CDH18: variants seen among roughly 807,000 people sequenced by gnomAD.
The protein encoded by CDH18 is cadherin-18.
CDH18 carries 31 observed loss-of-function variants against 67.9 expected under a neutral mutation model. The ratio of observed to expected loss-of-function variants is 0.46; its 90% CI spans 0.34 to 0.62. CDH18 has a LOEUF of 0.62. CDH18 is among the 20% of genes least tolerant of loss of function. CDH18 has a pLI of 0.01. For missense variants in CDH18, 890 were observed against 975.5 expected (o/e 0.91, Z 1.17); for synonymous variants, 362 against 347.2 (o/e 1.04, Z -0.48).
chr5:19,992,942 A>G (rs1800064841), upstream of CDH18, among the ~76,000 whole-genome samples: 1 of 152,112 alleles, frequency 6.6e-6, no homozygotes, highest in Non-Finnish European at 1.5e-5. Flanking sequence ...GCAACTACCT[A>G]AGCATGTTTA....
chr5:20,234,797 A>T (rs1469921274), intron 2 of CDH18, among the ~76,000 whole-genome samples: 1 of 152,248 alleles, frequency 6.6e-6, no homozygotes, highest in African/African-American at 2.4e-5. Context: ...AAGAACAGGG[A>T]TGGGCATGGG....
chr5:20,384,265 C>T (rs1404569953), intron 1 of CDH18, among the ~76,000 whole-genome samples: 6 of 152,080 alleles, frequency 3.9e-5, no homozygotes, highest in Admixed American at 6.6e-5. Flanking sequence ...CTTCTCACAG[C>T]GCCTGGAAAC....
intron 2 of CDH18, among the ~76,000 whole-genome samples, chr5:20,081,967 A>T (rs1161681279): frequency 6.6e-6 from 1 of 152,212 alleles, no homozygotes; most frequent in Non-Finnish European, 1.5e-5. Flanking sequence ...AAAACAAAAA[A>T]CATTTTAGGA....
chr5:20,049,640 G>A (rs949547986), intron 2 of CDH18, among the ~76,000 whole-genome samples: 1 of 151,750 alleles, frequency 6.6e-6, no homozygotes, highest in Admixed American at 6.6e-5. Context: ...AAGAGCACAT[G>A]TATATTCTTT....
chr5:19,627,202 C>T lies in CDH18; in HGVS notation c.644-14601G>A, dbSNP rs115317258. Among the ~76,000 whole-genome samples the T allele has an allele frequency of 5.1e-3, 775 of 152,256 alleles. 4 individuals are homozygous for T. Among genetic ancestry groups the T allele is most frequent in the African/African-American group, 0.018 (746 of 41,554 alleles). ...AAAGTAAAGGAGAAAACAACTAAAG[C>T]AGTTTAAACCCCAAAGTAACCATTA... On this transcript the variant is annotated intron_variant, in intron 5 of 12. Coordinates refer to ENST00000382275, the MANE Select transcript of CDH18 (RefSeq NM_004934.5).
chr5:20,293,040 G>C (rs1747221378), intron 1 of CDH18, among the ~76,000 whole-genome samples: 1 of 152,190 alleles, frequency 6.6e-6, no homozygotes, highest in Non-Finnish European at 1.5e-5. Flanking sequence ...AGTGAGGCCA[G>C]GTGCGGTGGC....
chr5:20,280,044 A>C (rs1294395970), intron 1 of CDH18, among the ~76,000 whole-genome samples: 1 of 152,138 alleles, frequency 6.6e-6, no homozygotes, highest in Non-Finnish European at 1.5e-5. Context: ...ATGGAATCAA[A>C]CTAGAAATAA....
chr5:19,823,147 T>C (rs906867384), intron 3 of CDH18, among the ~76,000 whole-genome samples: 3 of 152,230 alleles, frequency 2.0e-5, no homozygotes, highest in Admixed American at 1.3e-4. Flanking sequence ...CTGTTCTTTT[T>C]TCAAGGTGCC....
chr5:19,619,302 T>C (rs548726275), intron 5 of CDH18, among the ~76,000 whole-genome samples: 2 of 152,338 alleles, frequency 1.3e-5, no homozygotes, highest in South Asian at 4.1e-4. Context: ...ATGATTAGAA[T>C]GTTCAATGAT....
chr5:20,219,737 A>G (rs1409753368), intron 2 of CDH18, among the ~76,000 whole-genome samples: 2 of 151,930 alleles, frequency 1.3e-5, no homozygotes, highest in Non-Finnish European at 2.9e-5. Context: ...AATCCTTATG[A>G]TCATTTCAAT....
chr5:20,127,062 A>G (rs1748893959), intron 2 of CDH18, among the ~76,000 whole-genome samples: 2 of 152,208 alleles, frequency 1.3e-5, no homozygotes, highest in African/African-American at 4.8e-5. Context: ...CCCAAATCTC[A>G]CATAGAATTG....
In CDH18 at chr5:19,490,394, G is replaced by GTTTTTTTT. The variant is rs70950073; in HGVS notation, c.1631-6850_1631-6843dup. On this transcript the variant is annotated intron_variant, in intron 11 of 12. Coordinates refer to ENST00000382275, the MANE Select transcript of CDH18 (RefSeq NM_004934.5). ...TGATATATCACATATATAAAAATCT[G>GTTTTTTTT]TTTTTTTTTTTTTTTTTTTTTTTTT... 4.2e-3 allele frequency among the ~76,000 whole-genome samples: 251 copies of GTTTTTTTT among 60,222 alleles called. 34 individuals carry two copies. Among genetic ancestry groups the GTTTTTTTT allele is most frequent in the African/African-American group, 0.011 (162 of 14,922 alleles). The allele number at this position is 60,222 out of a possible 152,430, so 39.5% of individuals were successfully genotyped here. A position where few individuals can be genotyped will look rare whatever the true frequency, so the allele number is the denominator to read the frequency against.
In CDH18 at chr5:19,541,113, G is replaced by C. The variant is rs189291604; in HGVS notation, c.1390+2756C>G. ...AGTTCAAAGTTCCACAGATCTCTAGGGCAGGGGCAAAAAGCTGCTAGTCTC... is the reference window on the plus strand; with the variant it reads ...AGTTCAAAGTTCCACAGATCTCTAGCGCAGGGGCAAAAAGCTGCTAGTCTC... On this transcript the variant is annotated intron_variant, in intron 9 of 12. Transcript: ENST00000382275. Among the ~76,000 whole-genome samples the C allele has an allele frequency of 7.2e-5, 11 of 152,126 alleles. No homozygotes were observed. In the East Asian group the frequency reaches 2.1e-3, roughly 29 times the overall value.
chr5:20,209,098 C>A (rs1438402714), intron 2 of CDH18, among the ~76,000 whole-genome samples: 1 of 151,924 alleles, frequency 6.6e-6, no homozygotes, highest in African/African-American at 2.4e-5. Flanking sequence ...CGGGGAAGAA[C>A]AAGAACATGG....
intron 2 of CDH18, among the ~76,000 whole-genome samples, chr5:20,198,205 C>G (rs919687067): frequency 6.6e-6 from 1 of 152,142 alleles, no homozygotes; most frequent in African/African-American, 2.4e-5. Flanking sequence ...GTGGAAGTGA[C>G]TTTGGAACTC....
At chr5:19,575,624 G>T (rs145708369) in intron 7 of CDH18, among the ~76,000 whole-genome samples, 251 of 152,294 alleles carry the variant, frequency 1.6e-3, no homozygotes, top group African/African-American at 5.9e-3. Context: ...AAATGAAGCT[G>T]CTTAATGTTG....
chr5:20,283,984 T>C (rs1421998770), intron 1 of CDH18, among the ~76,000 whole-genome samples: 1 of 151,884 alleles, frequency 6.6e-6, no homozygotes, highest in Non-Finnish European at 1.5e-5. Flanking sequence ...TTAAGTAAAA[T>C]AAGCCAAGCA....
chr5:20,199,274 G>T (rs1739246506), intron 2 of CDH18, among the ~76,000 whole-genome samples: 1 of 152,178 alleles, frequency 6.6e-6, no homozygotes, highest in Non-Finnish European at 1.5e-5. Flanking sequence ...AAGCCACAGG[G>T]GCAGAGCTGC....
At chr5:19,717,857 C>T (rs1346545374) in intron 5 of CDH18, among the ~76,000 whole-genome samples, 2 of 151,940 alleles carry the variant, frequency 1.3e-5, no homozygotes, top group Non-Finnish European at 2.9e-5. Context: ...TATATTTTAT[C>T]ATCGTAGGCC....
Sources: gnomAD v4.1 joint callset for allele counts (sites outside exome capture counted in the v4.1 genomes callset) on GRCh38, gnomAD v4.1.1 for gene constraint, MANE v1.5 for transcripts, NCBI Gene and HGNC (gene_info 2026-07-23, HGNC 2026-07-21) for gene names.